Variants in PRKG1 observed in about 807,000 individuals in gnomAD.
PRKG1 encodes the protein cGMP-dependent protein kinase 1.
PRKG1 carries 35 observed loss-of-function variants against 88.1 expected under a neutral mutation model. The observed-to-expected ratio is 0.40, with a 90% CI of 0.30 to 0.53. PRKG1 has a LOEUF of 0.53. PRKG1 is among the 20% of genes least tolerant of loss of function. The probability of loss-of-function intolerance (pLI) is 0.59; values close to 1 mark genes in which losing one functional copy is unlikely to be tolerated. For missense variants in PRKG1, 540 were observed against 839.8 expected, an observed-to-expected ratio of 0.64 and a Z score of 4.41; for synonymous variants, 303 against 292.5, an observed-to-expected ratio of 1.04 and a Z score of -0.37.
chr10:51,388,290 C>T (rs1837302690), intron 2 of PRKG1, among the ~76,000 whole-genome samples: 1 of 152,184 alleles, frequency 6.6e-6, no homozygotes, highest in South Asian at 2.1e-4. Flanking sequence ...TGATCTGACT[C>T]TCTTACTTCT....
At chr10:51,182,013 C>T (rs1049947763) in intron 2 of PRKG1, among the ~76,000 whole-genome samples, 1 of 152,176 alleles carries the variant, frequency 6.6e-6, no homozygotes, top group African/African-American at 2.4e-5. Context: ...TAATTCCAAT[C>T]CACCTTTGTC....
chr10:51,770,080 C>A (rs965880977), intron 3 of PRKG1, among the ~76,000 whole-genome samples: 2 of 152,174 alleles, frequency 1.3e-5, no homozygotes, highest in Admixed American at 1.3e-4. Flanking sequence ...ACCCCTCAAA[C>A]TGGATGTACA....
At chr10:51,282,126 C>T (rs1357500718) in intron 2 of PRKG1, among the ~76,000 whole-genome samples, 2 of 152,046 alleles carry the variant, frequency 1.3e-5, no homozygotes, top group African/African-American at 2.4e-5. Context: ...GCAAACCTGA[C>T]ATGCTTTGAC....
chr10:51,823,650 G>A (rs1241541519), intron 4 of PRKG1, among the ~76,000 whole-genome samples: 1 of 151,986 alleles, frequency 6.6e-6, no homozygotes, highest in Admixed American at 6.6e-5. Context: ...ACATTTCGAT[G>A]TTTGAGAGAG....
intron 1 of PRKG1, among the ~76,000 whole-genome samples, chr10:51,026,698 A>G (rs966502508): frequency 6.6e-6 from 1 of 152,108 alleles, no homozygotes; most frequent in Admixed American, 6.6e-5. Flanking sequence ...CAGGATACTA[A>G]ATTAAAGGTA....
intron 7 of PRKG1, among the ~76,000 whole-genome samples, chr10:52,070,291 G>T (rs1846464131): frequency 6.9e-6 from 1 of 145,350 alleles, no homozygotes; most frequent in African/African-American, 2.4e-5. Context: ...GTGAATTTTG[G>T]GTTAGGTGTA....
At chr10:51,120,163 G>T (rs183879741) in intron 1 of PRKG1, among the ~76,000 whole-genome samples, 57 of 152,118 alleles carry the variant, frequency 3.7e-4, no homozygotes, top group Non-Finnish European at 6.3e-4. Flanking sequence ...TTGCTGTCTA[G>T]AATTTAGAAG....
intron 1 of PRKG1, among the ~76,000 whole-genome samples, chr10:51,050,355 T>A (rs1204272527): frequency 1.3e-5 from 2 of 152,070 alleles, no homozygotes. Flanking sequence ...ACCACCATTG[T>A]ACTCTCTGCC....
intron 3 of PRKG1, chr10:51,698,932 C>CTGAGA: frequency 6.2e-7 from 1 of 1,614,234 alleles, no homozygotes; most frequent in Non-Finnish European, 8.5e-7. Context: ...CAGACACAGA[C>CTGAGA]TGAGATTTGC....
chr10:51,611,095 A>G (rs1211574132), intron 3 of PRKG1, among the ~76,000 whole-genome samples: 1 of 151,862 alleles, frequency 6.6e-6, no homozygotes, highest in Non-Finnish European at 1.5e-5. Flanking sequence ...ATAGACGTTT[A>G]TGTGTGCCTT....
intron 1 of PRKG1, among the ~76,000 whole-genome samples, chr10:51,113,917 G>T (rs968901506): frequency 6.6e-6 from 1 of 151,064 alleles, no homozygotes; most frequent in Non-Finnish European, 1.5e-5. Flanking sequence ...TTCCAGGGGA[G>T]CACTTCAGAA....
chr10:51,857,630 G>A (rs78719571), intron 4 of PRKG1, among the ~76,000 whole-genome samples: 6 of 152,218 alleles, frequency 3.9e-5, no homozygotes, highest in Admixed American at 1.3e-4. Context: ...CTTTGTTTGC[G>A]TGTTATTTTA....
intron 7 of PRKG1, among the ~76,000 whole-genome samples, chr10:52,113,239 C>T (rs1239862768): frequency 6.6e-6 from 1 of 152,088 alleles, no homozygotes; most frequent in Non-Finnish European, 1.5e-5. Context: ...AAGTTTGTTG[C>T]TAATCTCTAA....
chr10:52,015,547 C>T (rs1004127696), intron 5 of PRKG1, among the ~76,000 whole-genome samples: 52 of 152,208 alleles, frequency 3.4e-4, no homozygotes, highest in African/African-American at 1.1e-3. Flanking sequence ...ATTGTCTTGG[C>T]TATTAACATT....
intron 8 of PRKG1, among the ~76,000 whole-genome samples, chr10:52,155,975 A>G (rs185756320): frequency 3.1e-4 from 47 of 152,126 alleles, no homozygotes; most frequent in South Asian, 1.4e-3. Flanking sequence ...CTTTGTGCAT[A>G]TGCCAGATTG....
intron 3 of PRKG1, among the ~76,000 whole-genome samples, chr10:51,563,907 A>G (rs1485342639): frequency 6.6e-6 from 1 of 152,090 alleles, no homozygotes; most frequent in East Asian, 1.9e-4. Context: ...ATGTTTACTG[A>G]TAAAGACCCA....
chr10:51,975,355 C>A (rs760717154), intron 5 of PRKG1, among the ~76,000 whole-genome samples: 6 of 151,940 alleles, frequency 3.9e-5, no homozygotes, highest in Non-Finnish European at 7.4e-5. Context: ...TAAAGGCAAT[C>A]CTTTCCTACC....
At chr10:51,951,556 T>C (rs994420349) in intron 5 of PRKG1, among the ~76,000 whole-genome samples, 3 of 152,210 alleles carry the variant, frequency 2.0e-5, no homozygotes, top group Admixed American at 2.0e-4. Context: ...ATATTTTCAC[T>C]TATGAGTTTA....
At chr10:50,994,822 A>AAG (rs1453413960) in intron 1 of PRKG1, among the ~76,000 whole-genome samples, 1 of 151,664 alleles carries the variant, frequency 6.6e-6, no homozygotes, top group East Asian at 1.9e-4. Flanking sequence ...GGAAAAAAAA[A>AAG]AAAAAGAATG....
Sources: allele counts gnomAD v4.1 joint callset (sites outside exome capture counted in the v4.1 genomes callset), GRCh38; gene constraint gnomAD v4.1.1; transcripts MANE v1.5; gene names NCBI Gene and HGNC (gene_info 2026-07-23, HGNC 2026-07-21).